The following PBK variants were observed in gnomAD, a reference collection of about 807,000 sequenced individuals.
The protein encoded by PBK is lymphokine-activated killer T-cell-originated protein kinase.
PBK carries 22 observed loss-of-function variants against 33.5 expected under a neutral mutation model. That is an observed-to-expected ratio of 0.66 (90% CI 0.47 to 0.94). The LOEUF (loss-of-function observed/expected upper bound fraction) is 0.94, where lower values mean the gene tolerates loss of function less well. Ranked by LOEUF, PBK falls within the 40% of genes least tolerant of loss-of-function variation. The probability of loss-of-function intolerance (pLI) is 0.00; values close to 1 mark genes in which losing one functional copy is unlikely to be tolerated. For synonymous variants in PBK, 129 were observed against 123.8 expected, an observed-to-expected ratio of 1.04 and a Z score of -0.28; for missense variants, 376 against 383.4, an observed-to-expected ratio of 0.98 and a Z score of 0.16.
At position 27,823,097 on chromosome 8, in the gene PBK, CTTAGCTTCATCCA is replaced by C. The variant is rs758128828; in HGVS notation, c.248_260del (p.Met83ArgfsTer3). The C allele has an allele frequency of 1.3e-6, 2 of 1,595,716 alleles. No homozygotes were observed. The highest frequency in any genetic ancestry group is 2.2e-5 in the South Asian group (2 of 89,410). ...TTGGATGATGAAGGCTTTTCAAAATCTTAGCTTCATCCATTAGTCTCTTTTGATACACACTTCG... is the reference window on the plus strand; with the variant it reads ...TTGGATGATGAAGGCTTTTCAAAATCTTAGTCTCTTTTGATACACACTTCG... On this transcript the variant is annotated frameshift_variant, in exon 4 of 8. Coordinates refer to ENST00000301905, the MANE Select transcript of PBK (RefSeq NM_018492.4). LOFTEE classifies it high-confidence loss of function.
chr8:27,811,232 A>G, intron 6 of PBK, 98 bp from the exon 7 acceptor site: 1 of 1,001,640 alleles, frequency 1.0e-6, no homozygotes, highest in Non-Finnish European at 1.6e-6. Context: ...CAAGTAGTTC[A>G]CAGGTTAATC....
In PBK at chr8:27,828,199, C is replaced by A; in HGVS notation, c.59-1G>T. ...TTTATAGTTGGAGTTGAACATAATA[C>A]TAAATGTCAGAGAAATAAAAAATAA... On this transcript the variant is annotated splice_acceptor_variant, in intron 2 of 7. Transcript: ENST00000301905. LOFTEE classifies it high-confidence loss of function. 2 of 1,385,866 alleles carry A rather than the reference C, an allele frequency of 1.4e-6. No individual in the cohort carries two copies. Among genetic ancestry groups the A allele is most frequent in the South Asian group, 1.3e-5 (1 of 76,936 alleles). The allele number at this position is 1,385,866 out of a possible 1,614,324, so 85.8% of individuals were successfully genotyped here. A position where few individuals can be genotyped will look rare whatever the true frequency, so the allele number is the denominator to read the frequency against.
chr8:27,816,684 A>G (rs954398979), intron 6 of PBK, among the ~76,000 whole-genome samples: 15 of 151,992 alleles, frequency 9.9e-5, no homozygotes, highest in Non-Finnish European at 1.6e-4. Flanking sequence ...CCAGAATACT[A>G]TATTTTAGTT....
At chr8:27,831,582 A>G (rs1806132213) in intron 2 of PBK, among the ~76,000 whole-genome samples, 1 of 114,246 alleles carries the variant, frequency 8.8e-6, no homozygotes, top group Non-Finnish European at 1.8e-5. Context: ...ACCCAGTAAG[A>G]GTAGAAAAAA....
intron 3 of PBK, among the ~76,000 whole-genome samples, chr8:27,825,677 C>T (rs1028995603): frequency 6.6e-6 from 1 of 152,016 alleles, no homozygotes; most frequent in African/African-American, 2.4e-5. Flanking sequence ...TGTGCATATA[C>T]CTGTGTTATC....
intron 3 of PBK, 113 bp from the exon 4 acceptor site, chr8:27,823,318 G>C (rs1157037928): frequency 1.5e-6 from 1 of 650,770 alleles, no homozygotes; most frequent in African/African-American, 1.8e-5. Context: ...TTTAAAAACA[G>C]AATTTAAAAT....
At chr8:27,812,229 G>T (rs1251635185) in intron 6 of PBK, 1 of 152,142 alleles carries the variant, frequency 6.6e-6, no homozygotes, top group Non-Finnish European at 1.5e-5. Flanking sequence ...CTAGTTAGCT[G>T]AGAGGTTAAC....
At chr8:27,833,363 G>C (rs1052407648) in intron 1 of PBK, among the ~76,000 whole-genome samples, 2 of 152,078 alleles carry the variant, frequency 1.3e-5, no homozygotes, top group African/African-American at 4.8e-5. Context: ...TACAAAATCA[G>C]CCAGGCGTGG....
intron 3 of PBK, 72 bp downstream of exon 3, chr8:27,828,033 T>C: frequency 1.3e-6 from 1 of 753,260 alleles, no homozygotes; most frequent in Non-Finnish European, 2.3e-6. Context: ...ATTTTCAGAC[T>C]ACTTCTTTGT....
rs114441178 is a variant in PBK at position 27,833,911 on chromosome 8, T to C, written c.-20-778A>G. On this transcript the variant is annotated intron_variant, in intron 1 of 7. Transcript: ENST00000301905. ...AACAAAATGTGGCATATCTATACAATGGAATATTATTCAGTCATAAAAAGG... is the reference window on the plus strand; with the variant it reads ...AACAAAATGTGGCATATCTATACAACGGAATATTATTCAGTCATAAAAAGG... 5.6e-3 allele frequency among the ~76,000 whole-genome samples: 855 copies of C among 152,104 alleles called. 9 individuals are homozygous for C. The highest frequency in any genetic ancestry group is 0.02 in the African/African-American group (817 of 41,502).
intron 7 of PBK, 123 bp from the exon 8 acceptor site, chr8:27,810,624 A>G: frequency 1.6e-6 from 1 of 626,506 alleles, no homozygotes; most frequent in Non-Finnish European, 2.8e-6. Context: ...TCTGCCACAG[A>G]CAGAATGGAA....
intron 6 of PBK, among the ~76,000 whole-genome samples, chr8:27,813,778 A>T (rs752099741): frequency 4.6e-5 from 7 of 152,198 alleles, no homozygotes; most frequent in Non-Finnish European, 8.8e-5. Context: ...TGAATGTTAC[A>T]ACTTTTCCTT....
At chr8:27,812,816 A>G (rs1358754681) in intron 6 of PBK, among the ~76,000 whole-genome samples, 1 of 152,118 alleles carries the variant, frequency 6.6e-6, no homozygotes, top group Admixed American at 6.5e-5. Context: ...AAAGTCAGGA[A>G]ACAACAGATG....
chr8:27,832,970 A>G, intron 2 of PBK, 86 bp downstream of exon 2: 1 of 744,642 alleles, frequency 1.3e-6, no homozygotes, highest in East Asian at 2.8e-5. Flanking sequence ...AGTGACCGAT[A>G]ATAAAGGATC....
At chr8:27,826,734 T>G (rs1806031176) in intron 3 of PBK, among the ~76,000 whole-genome samples, 1 of 106,932 alleles carries the variant, frequency 9.4e-6, no homozygotes, top group Non-Finnish European at 1.8e-5. Context: ...AGGCGGAGCT[T>G]GCAGTGAGCC....
intron 6 of PBK, among the ~76,000 whole-genome samples, chr8:27,820,346 TATACTA>T (rs1374425626): frequency 6.6e-6 from 1 of 152,174 alleles, no homozygotes; most frequent in Non-Finnish European, 1.5e-5. Flanking sequence ...AGTTAAAATA[TATACTA>T]ATACTACTAC....
At chr8:27,810,600 A>G in intron 7 of PBK, 99 bp from the exon 8 acceptor site, 1 of 671,214 alleles carries the variant, frequency 1.5e-6, no homozygotes, top group Non-Finnish European at 2.5e-6. Flanking sequence ...TTTATGGTCC[A>G]GTATGCTTTC....
intron 3 of PBK, among the ~76,000 whole-genome samples, chr8:27,827,376 G>C (rs536260380): frequency 1.6e-4 from 24 of 152,250 alleles, no homozygotes; most frequent in African/African-American, 3.9e-4. Flanking sequence ...GCAAAACCCT[G>C]TCTCTACTAA....
intron 3 of PBK, among the ~76,000 whole-genome samples, chr8:27,827,208 T>G (rs1321482588): frequency 6.6e-6 from 1 of 152,202 alleles, no homozygotes. Context: ...ATGTAGTTGT[T>G]TGCCACTTAA....
Sources: gnomAD v4.1 joint callset for allele counts (sites outside exome capture counted in the v4.1 genomes callset) on GRCh38, gnomAD v4.1.1 for gene constraint, MANE v1.5 for transcripts, NCBI Gene and HGNC (gene_info 2026-07-23, HGNC 2026-07-21) for gene names.